VGLL4: variants seen among roughly 807,000 people sequenced by gnomAD.
The protein encoded by VGLL4 is transcription cofactor vestigial-like protein 4.
Under a neutral mutation model 21.0 loss-of-function variants are expected in VGLL4, and 7 were observed. The ratio of observed to expected loss-of-function variants is 0.33; its 90% CI spans 0.19 to 0.63. The LOEUF is 0.63. Among genes scored for constraint, VGLL4 ranks in the 20% least tolerant of loss-of-function variants. The pLI is 0.78. For synonymous variants in VGLL4, 222 were observed against 173.2 expected (o/e 1.28, Z -2.21); for missense variants, 394 against 425.7 (o/e 0.93, Z 0.66).
chr3:11,688,558 A>G (rs959368568), intron 2 of VGLL4, among the ~76,000 whole-genome samples: 3 of 152,164 alleles, frequency 2.0e-5, no homozygotes, highest in Non-Finnish European at 4.4e-5. Flanking sequence ...ATACATAGTA[A>G]TATCCCTTTT....
exon 1 of VGLL4, chr3:11,720,687 C>T (rs2076986142): frequency 6.6e-6 from 1 of 152,332 alleles, no homozygotes; most frequent in South Asian, 2.1e-4. Context: ...CGCTCACACA[C>T]CAGTGTTTGC....
At chr3:11,663,584 G>C (rs1319172821) in intron 2 of VGLL4, among the ~76,000 whole-genome samples, 1 of 152,150 alleles carries the variant, frequency 6.6e-6, no homozygotes, top group Non-Finnish European at 1.5e-5. Flanking sequence ...CAGGCGTGGT[G>C]GTGGGCACCT....
At position 11,671,223 on chromosome 3, in the gene VGLL4, T is replaced by C. The variant is rs770133701; in HGVS notation, c.64+31748A>G. 14 of 1,560,092 alleles carry C rather than the reference T, an allele frequency of 9.0e-6. No individual in the cohort carries two copies. In the South Asian group the frequency reaches 1.6e-4, roughly 18 times the overall value. On this transcript the variant is annotated intron_variant, in intron 2 of 5. Coordinates refer to the VGLL4 transcript ENST00000273038. ...ATTAATTAATTTCAATTAAGAAATG[T>C]CAATTAAGAAAATGTGAAAATCAAA...
chr3:11,582,199 A>G, intron 2 of VGLL4: 1 of 1,482,210 alleles, frequency 6.7e-7, no homozygotes, highest in Non-Finnish European at 9.3e-7. Context: ...CGCAGTTTAA[A>G]TTAATTACAG....
intron 2 of VGLL4, among the ~76,000 whole-genome samples, chr3:11,660,854 T>C (rs1321552178): frequency 6.6e-6 from 1 of 152,064 alleles, no homozygotes; most frequent in African/African-American, 2.4e-5. Flanking sequence ...TTAAATAACG[T>C]TGGGATCCAA....
At chr3:11,660,914 T>C (rs1458208742) in intron 2 of VGLL4, among the ~76,000 whole-genome samples, 1 of 152,164 alleles carries the variant, frequency 6.6e-6, no homozygotes, top group Non-Finnish European at 1.5e-5. Context: ...TTCGGCCTTG[T>C]TTCCAATAGA....
chr3:11,691,669 G>C (rs1170999986), intron 2 of VGLL4, among the ~76,000 whole-genome samples: 1 of 152,106 alleles, frequency 6.6e-6, no homozygotes, highest in Non-Finnish European at 1.5e-5. Flanking sequence ...TACCTGCACT[G>C]GCACCAGCCC....
intron 2 of VGLL4, among the ~76,000 whole-genome samples, chr3:11,670,874 C>A (rs2076201298): frequency 6.6e-6 from 1 of 152,120 alleles, no homozygotes; most frequent in Admixed American, 6.5e-5. Flanking sequence ...CCCACCTCTA[C>A]TAAAAATACA....
At chr3:11,596,133 A>C (rs2074634721) in intron 2 of VGLL4, among the ~76,000 whole-genome samples, 1 of 152,208 alleles carries the variant, frequency 6.6e-6, no homozygotes, top group African/African-American at 2.4e-5. Flanking sequence ...CAGGGTAGGG[A>C]GTAACATTAA....
chr3:11,671,120 A>C (rs1489822578), intron 2 of VGLL4: 8 of 921,236 alleles, frequency 8.7e-6, no homozygotes, highest in Non-Finnish European at 1.3e-5. Flanking sequence ...TCAGGACTCA[A>C]GCACAAAAAG....
Position 11,568,929 on chromosome 3 carries a change from C to A in VGLL4, c.273-3910G>T. ...TCCCCATCCTAGGCGGGCACTTCCA[C>A]TGCCAGCTGCCCACGGAGAGAAAGA... On this transcript the variant is annotated intron_variant, in intron 2 of 4. Transcript: ENST00000430365. The surrounding 1 kb of genome is among the most constrained non-coding windows in gnomAD (Gnocchi z 5.9). The A allele has an allele frequency of 2.4e-6, 3 of 1,249,250 alleles. No individual in the cohort carries two copies. The highest frequency in any genetic ancestry group is 3.0e-6 in the Non-Finnish European group (3 of 989,628). 77.4% of individuals were successfully genotyped at this position (1,249,250 alleles called of 1,614,324 possible).
Position 11,601,984 on chromosome 3 carries a change from G to T in VGLL4, c.121C>A (p.Leu41Met). 6.2e-7 allele frequency: 1 copy of T among 1,602,082 alleles called. No homozygotes were observed. The highest frequency in any genetic ancestry group is 8.5e-7 in the Non-Finnish European group (1 of 1,175,764). ...CTGCTGAGGGCAGAGGCCACCGGCA[G>T]GGTCTGTATTCTGGGTTCTCCCCTG... ...ALRGEPRIQTLPVASALSSHR... is the reference protein window; with the variant it reads ...ALRGEPRIQTMPVASALSSHR... The change falls in exon 2 of 5, where the codon CTG (leucine) becomes ATG (methionine). Residue 41 changes from leucine (L) to methionine (M), a missense_variant. Leu to Met is a conservative substitution (Grantham distance 15). Coordinates refer to ENST00000430365, the MANE Select transcript of VGLL4 (RefSeq NM_001128219.3).
At chr3:11,621,850 C>T (rs1003592657) in intron 1 of VGLL4, among the ~76,000 whole-genome samples, 1 of 152,178 alleles carries the variant, frequency 6.6e-6, no homozygotes, top group Non-Finnish European at 1.5e-5. Flanking sequence ...TTATTTCAAC[C>T]ATCCATAGTA....
At chr3:11,695,042 T>C (rs913468919) in intron 2 of VGLL4, among the ~76,000 whole-genome samples, 6 of 150,772 alleles carry the variant, frequency 4.0e-5, no homozygotes, top group Non-Finnish European at 8.8e-5. Context: ...CGTAAGGGAA[T>C]GTTCTCATTC....
At chr3:11,707,648 C>T (rs61437751) in intron 1 of VGLL4, among the ~76,000 whole-genome samples, 4,669 of 152,074 alleles carry the variant, frequency 0.031, 238 homozygotes, top group East Asian at 0.18. Flanking sequence ...CCGGGAGTTC[C>T]AGACCAGCCT....
At chr3:11,694,348 C>T (rs186638917) in intron 2 of VGLL4, among the ~76,000 whole-genome samples, 3 of 152,198 alleles carry the variant, frequency 2.0e-5, no homozygotes, top group East Asian at 1.9e-4. Flanking sequence ...GGGTCAGGCG[C>T]GGTGGCTCAT....
intron 2 of VGLL4, among the ~76,000 whole-genome samples, chr3:11,672,138 A>C (rs2125369190): frequency 6.6e-6 from 1 of 152,348 alleles, no homozygotes; most frequent in South Asian, 2.1e-4. Context: ...GAAATTTTGT[A>C]CTTCCTGAAA....
intron 2 of VGLL4, among the ~76,000 whole-genome samples, chr3:11,592,216 T>C (rs1158669844): frequency 6.6e-6 from 1 of 152,250 alleles, no homozygotes; most frequent in Non-Finnish European, 1.5e-5. Context: ...ATGCTCCAGT[T>C]TGAATCTTTT....
intron 2 of VGLL4, among the ~76,000 whole-genome samples, chr3:11,572,546 C>T (rs560897388): frequency 6.6e-6 from 1 of 152,222 alleles, no homozygotes; most frequent in Non-Finnish European, 1.5e-5. Flanking sequence ...ATTCCCCTCT[C>T]TTCGTCCCCT....
Sources: allele counts gnomAD v4.1 joint callset (sites outside exome capture counted in the v4.1 genomes callset), GRCh38; gene constraint gnomAD v4.1.1; non-coding constraint Gnocchi (gnomAD v3.1); transcripts MANE v1.5; gene names NCBI Gene and HGNC (gene_info 2026-07-23, HGNC 2026-07-21).